The following NBEA variants were observed in gnomAD, a reference collection of about 807,000 sequenced individuals.
NBEA encodes neurobeachin.
NBEA carries 44 observed loss-of-function variants against 343.4 expected under a neutral mutation model. The ratio of observed to expected loss-of-function variants is 0.13; its 90% confidence interval spans 0.10 to 0.16. The LOEUF is 0.16. Ranked by LOEUF, NBEA falls within the 10% of genes least tolerant of loss-of-function variation. The pLI, the probability that NBEA is intolerant of heterozygous loss-of-function variation, is 1.00. For missense variants in NBEA, 2,555 were observed against 3,631.3 expected (o/e 0.70, Z 7.62); for synonymous variants, 1,175 against 1,238.7 (o/e 0.95, Z 1.08).
intron 45 of NBEA, among the ~76,000 whole-genome samples, chr13:35,567,713 T>G (rs1455564818): frequency 1.3e-5 from 2 of 152,210 alleles, no homozygotes; most frequent in African/African-American, 4.8e-5. Context: ...GGAATGTATC[T>G]CTGTTTTCTA....
intron 48 of NBEA, among the ~76,000 whole-genome samples, chr13:35,613,228 C>T (rs1396905743): frequency 1.3e-5 from 2 of 151,054 alleles, no homozygotes. Context: ...CCTCTGGTAA[C>T]CACCATTCTA....
At chr13:35,238,776 G>A (rs1410068716) in intron 34 of NBEA, among the ~76,000 whole-genome samples, 1 of 152,070 alleles carries the variant, frequency 6.6e-6, no homozygotes, top group Non-Finnish European at 1.5e-5. Flanking sequence ...TCTACTTTTG[G>A]TGGCATCAAT....
In NBEA at chr13:34,996,609, C is replaced by T. The variant is rs1177555277; in HGVS notation, c.295-44324C>T. Reference sequence around the variant, plus strand: ...GTGGTCCCAGCAATAATTAGTGAAACGTAATGTAAGAACCATCCATTATCT... The same window carrying T: ...GTGGTCCCAGCAATAATTAGTGAAATGTAATGTAAGAACCATCCATTATCT... On this transcript the variant is annotated intron_variant, in intron 1 of 58. Coordinates refer to ENST00000379939, the MANE Select transcript of NBEA (RefSeq NM_001385012.1). Among the ~76,000 whole-genome samples the T allele has an allele frequency of 3.3e-5, 5 of 152,010 alleles. 1 individual carries two copies. In the South Asian group the frequency reaches 8.3e-4, roughly 25 times the overall value.
chr13:35,015,946 T>C (rs1244146325), intron 1 of NBEA, among the ~76,000 whole-genome samples: 2 of 152,138 alleles, frequency 1.3e-5, no homozygotes, highest in African/African-American at 2.4e-5. Context: ...AATATAGATA[T>C]TAGTTTTTCT....
intron 34 of NBEA, among the ~76,000 whole-genome samples, chr13:35,270,673 T>C (rs1203750481): frequency 6.6e-6 from 1 of 151,980 alleles, no homozygotes; most frequent in East Asian, 1.9e-4. Context: ...ACCAGGAGAC[T>C]CCCCCCGTGC....
intron 34 of NBEA, among the ~76,000 whole-genome samples, chr13:35,277,271 A>G (rs2034652951): frequency 6.6e-6 from 1 of 152,160 alleles, no homozygotes; most frequent in African/African-American, 2.4e-5. Context: ...ACCAGGTATT[A>G]AAGGAAGTAA....
chr13:35,665,230 G>A, intron 56 of NBEA, 44 bp downstream of exon 56: 1 of 1,436,572 alleles, frequency 7.0e-7, no homozygotes, highest in South Asian at 1.2e-5. Context: ...GAAGATGACT[G>A]TTTTCTCACA....
At chr13:35,308,449 T>TAC (rs2037061385) in intron 35 of NBEA, among the ~76,000 whole-genome samples, 1 of 107,538 alleles carries the variant, frequency 9.3e-6, no homozygotes, top group Non-Finnish European at 1.8e-5. Context: ...TATATATATA[T>TAC]ATATATATAT....
intron 34 of NBEA, among the ~76,000 whole-genome samples, chr13:35,286,846 C>A (rs2035458007): frequency 6.6e-6 from 1 of 151,880 alleles, no homozygotes; most frequent in African/African-American, 2.4e-5. Context: ...TAGAAATTGA[C>A]TTCCTACCCC....
chr13:35,590,498 C>G (rs910956351), intron 46 of NBEA, among the ~76,000 whole-genome samples: 1 of 152,074 alleles, frequency 6.6e-6, no homozygotes, highest in Non-Finnish European at 1.5e-5. Context: ...AAATATAATT[C>G]TTTAATTTCA....
Position 35,195,396 on chromosome 13 carries a change from G to GT in NBEA, c.4928-457dup, listed in dbSNP as rs572336519. Among the ~76,000 whole-genome samples, 1,066 of 143,882 alleles carry GT rather than the reference G, an allele frequency of 7.4e-3. 7 individuals are homozygous for GT. The highest frequency in any genetic ancestry group is 0.011 in the Middle Eastern group (3 of 278). 94.4% of individuals were successfully genotyped at this position (143,882 alleles called of 152,430 possible). On this transcript the variant is annotated intron_variant, in intron 30 of 58. Transcript: ENST00000379939. ...TAGGTGTATTGGATGATATCTTTTT[G>GT]TTTTTTTTTTTGTTTTTTTGAGATG... is the stretch of plus-strand genomic sequence containing the variant.
At chr13:34,973,219 A>G (rs914440909) in intron 1 of NBEA, among the ~76,000 whole-genome samples, 1 of 151,732 alleles carries the variant, frequency 6.6e-6, no homozygotes, top group Non-Finnish European at 1.5e-5. Context: ...GCCCAAACAT[A>G]CCTGTAGGAG....
chr13:35,518,560 C>T (rs1419127207), intron 41 of NBEA, among the ~76,000 whole-genome samples: 1 of 152,118 alleles, frequency 6.6e-6, no homozygotes, highest in Non-Finnish European at 1.5e-5. Flanking sequence ...CTGTATTTGC[C>T]TCAAACTAGA....
At chr13:35,584,477 C>T (rs963990686) in intron 46 of NBEA, among the ~76,000 whole-genome samples, 4 of 149,708 alleles carry the variant, frequency 2.7e-5, no homozygotes, top group Admixed American at 6.7e-5. Flanking sequence ...TAACACCTTG[C>T]GCATCTATTA....
At chr13:35,217,639 A>G (rs1156791812) in intron 33 of NBEA, among the ~76,000 whole-genome samples, 1 of 152,066 alleles carries the variant, frequency 6.6e-6, no homozygotes, top group Non-Finnish European at 1.5e-5. Flanking sequence ...CTTGCCCATG[A>G]GGCATGTTTT....
At chr13:35,274,596 A>G (rs1699625585) in intron 34 of NBEA, among the ~76,000 whole-genome samples, 1 of 152,212 alleles carries the variant, frequency 6.6e-6, no homozygotes, top group Non-Finnish European at 1.5e-5. Flanking sequence ...AGATGACATA[A>G]TTGTATACTT....
At chr13:35,299,198 A>G (rs1037861692) in intron 35 of NBEA, among the ~76,000 whole-genome samples, 13 of 152,108 alleles carry the variant, frequency 8.5e-5, no homozygotes, top group African/African-American at 2.2e-4. Flanking sequence ...TATAAAATCA[A>G]TTCTGGAATT....
chr13:35,377,818 G>C (rs2041825110), intron 38 of NBEA, among the ~76,000 whole-genome samples: 1 of 152,174 alleles, frequency 6.6e-6, no homozygotes, highest in Middle Eastern at 3.4e-3. Context: ...TGTTATCCCT[G>C]TCTCTCATTT....
At chr13:35,093,559 T>G (rs1035345352) in intron 10 of NBEA, among the ~76,000 whole-genome samples, 2 of 151,998 alleles carry the variant, frequency 1.3e-5, no homozygotes, top group African/African-American at 4.8e-5. Context: ...AGCACCAAGA[T>G]AAAGGACTGG....
Sources: allele counts gnomAD v4.1 joint callset (sites outside exome capture counted in the v4.1 genomes callset), GRCh38; gene constraint gnomAD v4.1.1; transcripts MANE v1.5; gene names NCBI Gene and HGNC (gene_info 2026-07-23, HGNC 2026-07-21).